The following ZNF564 variants were observed in gnomAD, a reference collection of about 807,000 sequenced individuals.
ZNF564 encodes the protein zinc finger protein 564.
A neutral mutation model predicts 10.5 loss-of-function variants in ZNF564; 5 were observed. That is an observed-to-expected ratio of 0.48 (90% confidence interval 0.25 to 1.00). The LOEUF (loss-of-function observed/expected upper bound fraction) is 1.00. ZNF564 is among the 50% of genes least tolerant of loss of function. The pLI is 0.16. For missense variants in ZNF564, 603 were observed against 669.7 expected (o/e 0.90, Z 1.10); for synonymous variants, 242 against 218.1 (o/e 1.11, Z -0.97).
At chr19:12,529,115 G>C (rs775194363) in intron 1 of ZNF564, among the ~76,000 whole-genome samples, 14 of 152,090 alleles carry the variant, frequency 9.2e-5, no homozygotes, top group African/African-American at 1.4e-4. Flanking sequence ...CGATGTGGCA[G>C]TCTCCAAACA....
At chr19:12,538,578 T>C (rs10419535) in intron 1 of ZNF564, among the ~76,000 whole-genome samples, 1,692 of 152,044 alleles carry the variant, frequency 0.011, 21 homozygotes, top group African/African-American at 0.038. Context: ...TGAGCCAAGA[T>C]TGCGCCATTG....
At chr19:12,542,206 G>T (rs1280242818) in intron 1 of ZNF564, among the ~76,000 whole-genome samples, 5 of 149,560 alleles carry the variant, frequency 3.3e-5, no homozygotes, top group Admixed American at 2.0e-4. Context: ...CTACTCGGGA[G>T]GCTGAGGCAC....
rs751036993 is a variant in ZNF564 at position 12,527,188 on chromosome 19, C to T, written c.920G>A (p.Gly307Glu). Residue 307 changes from glycine to glutamate, a missense_variant, in exon 4 of 4, where the codon GGA (glycine) becomes GAA (glutamate). Gly to Glu is a moderately conservative substitution (Grantham distance 98). Coordinates refer to ENST00000339282, the MANE Select transcript of ZNF564 (RefSeq NM_144976.4). The part of the protein sequence containing the change: ...QSHMIRHTGD[G>E]PYKCKVCGRA... ...CCCACATACTTTACATTTATAAGGT[C>T]CATCCCCAGTGTGCCTAATCATATG... The T allele has an allele frequency of 5.6e-6, 9 of 1,614,136 alleles. No homozygotes were observed. The highest frequency in any genetic ancestry group is 6.8e-6 in the Non-Finnish European group (8 of 1,180,028).
At position 12,527,295 on chromosome 19, in the gene ZNF564, A is replaced by G; in HGVS notation, c.813T>C (p.His271=). The part of the protein sequence containing the change: ...AFDRPSLFRI[H]ERTHTGEKPH... ...GTTTCTCTCCAGTATGAGTTCTTTC[A>G]TGTATTCGAAATAAACTGGGGCGGT... The change falls in exon 4 of 4, where the codon CAT becomes CAC. Residue 271 remains histidine, a synonymous_variant. Transcript: ENST00000339282. The G allele has an allele frequency of 1.2e-6, 2 of 1,613,658 alleles. No homozygotes were observed. The highest frequency in any genetic ancestry group is 1.7e-6 in the Non-Finnish European group (2 of 1,179,920).
chr19:12,529,018 T>A (rs1432546276), intron 1 of ZNF564, among the ~76,000 whole-genome samples: 1 of 152,070 alleles, frequency 6.6e-6, no homozygotes, highest in Middle Eastern at 3.2e-3. Flanking sequence ...TGAACCAAGA[T>A]CACGCCACTG....
intron 1 of ZNF564, among the ~76,000 whole-genome samples, chr19:12,542,545 CAA>C (rs1467627320): frequency 1.3e-5 from 2 of 151,348 alleles, no homozygotes; most frequent in African/African-American, 4.9e-5. Flanking sequence ...CGCTTGAACC[CAA>C]GAGTTGTAGG....
chr19:12,543,231 G>C (rs2022090740), intron 1 of ZNF564, among the ~76,000 whole-genome samples: 2 of 151,362 alleles, frequency 1.3e-5, no homozygotes, highest in Non-Finnish European at 2.9e-5. Flanking sequence ...GAACCCAGGA[G>C]GTGGAGGTTG....
At position 12,526,627 on chromosome 19, in the gene ZNF564, A is replaced by G. The variant is rs754936722; in HGVS notation, c.1481T>C (p.Ile494Thr). The G allele has an allele frequency of 2.5e-6, 4 of 1,613,884 alleles. No homozygotes were observed. The highest frequency in any genetic ancestry group is 1.3e-5 in the African/African-American group (1 of 74,874). ...TTCTCCGGTATGAGTTCTTTCATGT[A>G]TTCTAATGGAACTGGCATAATTGAA... ...KAFNYASSIRIHERTHTGEKP... is the reference protein window; with the variant it reads ...KAFNYASSIRTHERTHTGEKP... The change falls in exon 4 of 4, where the codon ATA becomes ACA. Residue 494 changes from isoleucine to threonine, a missense_variant. Coordinates refer to ENST00000339282, the MANE Select transcript of ZNF564 (RefSeq NM_144976.4).
At chr19:12,551,098 T>TCCGAGG (rs1249976891) in intron 1 of ZNF564, among the ~76,000 whole-genome samples, 1 of 152,172 alleles carries the variant, frequency 6.6e-6, no homozygotes, top group Admixed American at 6.5e-5. Flanking sequence ...CAGACAGGGC[T>TCCGAGG]CCGAGGCCGA....
intron 1 of ZNF564, among the ~76,000 whole-genome samples, chr19:12,533,447 CT>C (rs1365252567): frequency 6.6e-6 from 1 of 152,156 alleles, no homozygotes; most frequent in Admixed American, 6.5e-5. Context: ...CTACTTCGGG[CT>C]GGGTGCAGTG....
intron 1 of ZNF564, among the ~76,000 whole-genome samples, chr19:12,539,781 C>T (rs1280159047): frequency 6.6e-6 from 1 of 151,948 alleles, no homozygotes; most frequent in African/African-American, 2.4e-5. Context: ...AAAGACCATC[C>T]TGGCTAACTC....
intron 1 of ZNF564, among the ~76,000 whole-genome samples, 176 bp from the exon 2 acceptor site, chr19:12,528,872 C>T (rs755232063): frequency 5.3e-5 from 8 of 152,036 alleles, no homozygotes; most frequent in Non-Finnish European, 8.8e-5. Flanking sequence ...GAGGCCAGCC[C>T]GGTCAACATG....
At chr19:12,539,189 G>A (rs993393972) in intron 1 of ZNF564, among the ~76,000 whole-genome samples, 4 of 140,646 alleles carry the variant, frequency 2.8e-5, no homozygotes, top group Admixed American at 7.4e-5. Context: ...AGCTGAGATC[G>A]TGCCTCCTGT....
chr19:12,547,104 C>G (rs1394438787), intron 1 of ZNF564, among the ~76,000 whole-genome samples: 1 of 152,196 alleles, frequency 6.6e-6, no homozygotes, highest in Non-Finnish European at 1.5e-5. Context: ...GGGTCTTGCT[C>G]TGTTGTCCAG....
chr19:12,528,348 G>T lies in ZNF564; in HGVS notation c.147C>A (p.Asp49Glu), dbSNP rs1485502921. ...NLACVGKKWEDQSIEDWYKNQ... is the reference protein window; with the variant it reads ...NLACVGKKWEEQSIEDWYKNQ... ...TTTTGTACCAATCTTCAATGCTCTGGTCTTCCCATTTTTTTCCTAAAATAT... is the reference window on the plus strand; with the variant it reads ...TTTTGTACCAATCTTCAATGCTCTGTTCTTCCCATTTTTTTCCTAAAATAT... The change falls in exon 3 of 4, where the codon GAC becomes GAA. Residue 49 changes from aspartate (D) to glutamate (E), a missense_variant. By Grantham distance (45) the Asp-to-Glu change is conservative. Transcript: ENST00000339282. 1.2e-6 allele frequency: 2 copies of T among 1,608,338 alleles called. No homozygotes were observed. Among genetic ancestry groups the T allele is most frequent in the Non-Finnish European group, 1.7e-6 (2 of 1,178,738 alleles).
At chr19:12,532,532 C>A (rs2021829520) in intron 1 of ZNF564, among the ~76,000 whole-genome samples, 1 of 63,428 alleles carries the variant, frequency 1.6e-5, no homozygotes, top group Non-Finnish European at 2.4e-5. Context: ...GAGACTCCGT[C>A]TCAAAAAAAA....
At chr19:12,531,645 A>G (rs138539743) in intron 1 of ZNF564, among the ~76,000 whole-genome samples, 356 of 152,278 alleles carry the variant, frequency 2.3e-3, no homozygotes, top group African/African-American at 7.9e-3. Context: ...ATACCACAGA[A>G]GGCCACAACC....
chr19:12,543,904 G>A (rs75510820), intron 1 of ZNF564, among the ~76,000 whole-genome samples: 1 of 152,058 alleles, frequency 6.6e-6, no homozygotes. Flanking sequence ...AATGGGATTA[G>A]CACCTTTAGA....
At chr19:12,545,049 A>G (rs1369361239) in intron 1 of ZNF564, among the ~76,000 whole-genome samples, 1 of 152,118 alleles carries the variant, frequency 6.6e-6, no homozygotes, top group Non-Finnish European at 1.5e-5. Context: ...ACCTGAGGTC[A>G]GGAGTTTGAG....
Sources: allele counts gnomAD v4.1 joint callset (sites outside exome capture counted in the v4.1 genomes callset), GRCh38; gene constraint gnomAD v4.1.1; transcripts MANE v1.5; gene names NCBI Gene and HGNC (gene_info 2026-07-23, HGNC 2026-07-21).